ASIC2: variants seen among roughly 807,000 people sequenced by gnomAD.
ASIC2 encodes acid sensing ion channel subunit 2, also known as acid-sensing ion channel 2.
ASIC2 carries 25 observed loss-of-function variants against 57.3 expected under a neutral mutation model. The observed-to-expected ratio is 0.44, with a 90% CI of 0.32 to 0.61. The LOEUF (loss-of-function observed/expected upper bound fraction) is 0.61, where lower values mean the gene tolerates loss of function less well. ASIC2 is among the 20% of genes least tolerant of loss of function. ASIC2 has a pLI of 0.06. For synonymous variants in ASIC2, 319 were observed against 307.5 expected (o/e 1.04, Z -0.39); for missense variants, 641 against 738.1 (o/e 0.87, Z 1.52).
At chr17:33,665,003 T>TC (rs1907423098) in intron 1 of ASIC2, among the ~76,000 whole-genome samples, 1 of 152,108 alleles carries the variant, frequency 6.6e-6, no homozygotes, top group Non-Finnish European at 1.5e-5. Context: ...TATCCAAGCA[T>TC]ATAATATCAT....
chr17:34,068,972 A>C (rs1909278024), intron 1 of ASIC2, among the ~76,000 whole-genome samples: 1 of 152,198 alleles, frequency 6.6e-6, no homozygotes, highest in East Asian at 1.9e-4. Context: ...AATGAGTGAC[A>C]AACCCATTAG....
chr17:34,121,250 G>A (rs1007890089), intron 1 of ASIC2, among the ~76,000 whole-genome samples: 8 of 152,078 alleles, frequency 5.3e-5, no homozygotes, highest in Non-Finnish European at 4.4e-5. Context: ...TCTAGCCCCC[G>A]ATCTGTGAGA....
chr17:33,722,783 CA>C (rs1016657960), intron 1 of ASIC2, among the ~76,000 whole-genome samples: 1 of 151,016 alleles, frequency 6.6e-6, no homozygotes, highest in Admixed American at 6.6e-5. Context: ...ACAATGGCAA[CA>C]AAAAAAAGAT....
chr17:33,680,875 G>T (rs1907979850), intron 1 of ASIC2: 1 of 152,218 alleles, frequency 6.6e-6, no homozygotes. Flanking sequence ...ATATACAGTA[G>T]TTTTTGCATG....
At chr17:33,094,972 C>A (rs935570417) in intron 2 of ASIC2, among the ~76,000 whole-genome samples, 1 of 152,148 alleles carries the variant, frequency 6.6e-6, no homozygotes. Flanking sequence ...GTTCTGTGAA[C>A]TATAGCAAGT....
intron 1 of ASIC2, among the ~76,000 whole-genome samples, chr17:34,019,593 T>C (rs1347228539): frequency 6.6e-6 from 1 of 152,212 alleles, no homozygotes; most frequent in Non-Finnish European, 1.5e-5. Context: ...TTTTTAGCAA[T>C]GAAGTATTTC....
At position 33,150,150 on chromosome 17, in the gene ASIC2, C is replaced by T. The variant is rs528542942; in HGVS notation, c.709-38083G>A. On this transcript the variant is annotated intron_variant, in intron 1 of 9. Coordinates refer to ENST00000225823, the MANE Select transcript of ASIC2 (RefSeq NM_183377.2). ...AGCTTCAGATTGCCATTTTGTTTTC[C>T]TGTAATTCCATGCACACCTTATTAA... 1.3e-3 allele frequency among the ~76,000 whole-genome samples: 193 copies of T among 152,346 alleles called. 1 individual carries two copies. Among genetic ancestry groups the T allele is most frequent in the African/African-American group, 4.6e-3 (190 of 41,570 alleles).
chr17:33,512,464 A>G (rs552409743), intron 1 of ASIC2, among the ~76,000 whole-genome samples: 2 of 152,298 alleles, frequency 1.3e-5, no homozygotes, highest in East Asian at 3.9e-4. Flanking sequence ...ACTTCTTTCC[A>G]CTTATTATTA....
At chr17:33,959,694 C>G (rs2141990881) in intron 1 of ASIC2, among the ~76,000 whole-genome samples, 1 of 152,322 alleles carries the variant, frequency 6.6e-6, no homozygotes, top group Admixed American at 6.5e-5. Flanking sequence ...CTTCTTCCTG[C>G]CTTATTCTAG....
Position 33,088,907 on chromosome 17 carries a change from C to T in ASIC2, c.943G>A (p.Val315Met). ...ACAAAGGTCTGGAACCCTGGAGCCA[C>T]CCCAAAGCCCAGCTCTTGGATGAAA... The part of the protein sequence containing the change: ...PPFIQELGFG[V>M]APGFQTFVAT... Residue 315 changes from valine (V) to methionine (M), a missense_variant, in exon 3 of 10, where the codon GTG (valine) becomes ATG (methionine). Coordinates refer to ENST00000225823, the MANE Select transcript of ASIC2 (RefSeq NM_183377.2). 1.2e-6 allele frequency: 2 copies of T among 1,614,060 alleles called. No individual in the cohort carries two copies. The highest frequency in any genetic ancestry group is 1.7e-6 in the Non-Finnish European group (2 of 1,179,964).
intron 1 of ASIC2, among the ~76,000 whole-genome samples, chr17:33,546,574 T>C (rs1240731804): frequency 6.6e-6 from 1 of 152,126 alleles, no homozygotes; most frequent in African/African-American, 2.4e-5. Context: ...CCTTGACTTG[T>C]GTTTCCTGAA....
intron 1 of ASIC2, among the ~76,000 whole-genome samples, chr17:33,579,350 G>T (rs111718736): frequency 0.011 from 1,689 of 150,250 alleles, 33 homozygotes; most frequent in African/African-American, 0.039. Context: ...ACTGGAACAC[G>T]ATGTGGCTTG....
chr17:33,788,982 G>A (rs550741720), intron 1 of ASIC2, among the ~76,000 whole-genome samples: 22 of 152,248 alleles, frequency 1.4e-4, no homozygotes, highest in African/African-American at 5.3e-4. Flanking sequence ...GTATACCTAT[G>A]TAACAAACTT....
intron 9 of ASIC2, 53 bp downstream of exon 9, chr17:33,015,918 G>A (rs960381080): frequency 6.3e-7 from 1 of 1,596,024 alleles, no homozygotes; most frequent in African/African-American, 1.3e-5. Flanking sequence ...GTTTTGTACT[G>A]CCGGTACAAG....
intron 1 of ASIC2, among the ~76,000 whole-genome samples, chr17:33,368,601 T>C (rs1263792174): frequency 6.6e-6 from 1 of 152,228 alleles, no homozygotes; most frequent in Non-Finnish European, 1.5e-5. Context: ...TTTCCCAACG[T>C]TAGCACTGAG....
intron 1 of ASIC2, among the ~76,000 whole-genome samples, chr17:33,321,233 C>G (rs778669733): frequency 6.6e-6 from 1 of 152,102 alleles, no homozygotes; most frequent in South Asian, 2.1e-4. Context: ...ATTATTTCCT[C>G]GAGCCTAAGT....
At chr17:34,092,021 G>A (rs1213686279) in intron 1 of ASIC2, among the ~76,000 whole-genome samples, 1 of 151,938 alleles carries the variant, frequency 6.6e-6, no homozygotes, top group Non-Finnish European at 1.5e-5. Context: ...GCAGCTCAGC[G>A]ATATACTGTG....
chr17:33,775,472 G>A (rs540587257), intron 1 of ASIC2, among the ~76,000 whole-genome samples: 4 of 152,314 alleles, frequency 2.6e-5, no homozygotes, highest in South Asian at 4.1e-4. Context: ...TGAAGAGTAC[G>A]TGAGCAAATA....
intron 1 of ASIC2, chr17:33,112,278 C>T (rs1215900056): frequency 3.4e-6 from 2 of 590,476 alleles, no homozygotes; most frequent in Non-Finnish European, 5.7e-6. Context: ...AATCTGGATG[C>T]CCTTTGGGGT....
Sources: gnomAD v4.1 joint callset for allele counts (sites outside exome capture counted in the v4.1 genomes callset) on GRCh38, gnomAD v4.1.1 for gene constraint, MANE v1.5 for transcripts, NCBI Gene and HGNC (gene_info 2026-07-23, HGNC 2026-07-21) for gene names.